NUCB2: variants seen among roughly 807,000 people sequenced by gnomAD.
NUCB2 encodes nucleobindin-2.
In NUCB2, 48 loss-of-function variants were observed where a neutral mutation model predicts 57.9. The observed-to-expected ratio is 0.83, with a 90% confidence interval of 0.66 to 1.05. The LOEUF (loss-of-function observed/expected upper bound fraction) is 1.05, where lower values mean the gene tolerates loss of function less well. Ranked by LOEUF, NUCB2 falls within the 50% of genes least tolerant of loss-of-function variation. NUCB2 has a pLI of 0.00. For synonymous variants in NUCB2, 139 were observed against 152.1 expected (o/e 0.91, Z 0.64); for missense variants, 442 against 476.2 (o/e 0.93, Z 0.67).
chr11:17,320,512 C>G (rs970174459), intron 11 of NUCB2, among the ~76,000 whole-genome samples: 2 of 152,022 alleles, frequency 1.3e-5, no homozygotes, highest in African/African-American at 4.8e-5. Context: ...CAAAAATTAG[C>G]CGGGAGTGGT....
chr11:17,289,590 C>T (rs1212295302), intron 2 of NUCB2, among the ~76,000 whole-genome samples: 1 of 152,196 alleles, frequency 6.6e-6, no homozygotes. Context: ...TTTAGCTACT[C>T]TTCCTTTAGC....
intron 2 of NUCB2, among the ~76,000 whole-genome samples, chr11:17,343,450 C>G (rs926942302): frequency 9.9e-5 from 15 of 152,172 alleles, no homozygotes; most frequent in African/African-American, 3.6e-4. Flanking sequence ...TAAATCCCCG[C>G]CCTTGCTTTA....
intron 13 of NUCB2, 21 bp downstream of exon 13, chr11:17,331,004 A>C: frequency 6.9e-7 from 1 of 1,449,904 alleles, no homozygotes; most frequent in East Asian, 2.3e-5. Context: ...TTGTTTGATT[A>C]TTTATTTAGG....
chr11:17,341,863 A>G (rs1425474770), intron 2 of NUCB2, among the ~76,000 whole-genome samples: 4 of 152,032 alleles, frequency 2.6e-5, no homozygotes, highest in Non-Finnish European at 4.4e-5. Flanking sequence ...CTCTTTTTCT[A>G]TTGATTGGAA....
At chr11:17,295,267 T>C in intron 2 of NUCB2, 57 bp from the exon 3 acceptor site, 2 of 1,495,722 alleles carry the variant, frequency 1.3e-6, no homozygotes, top group Admixed American at 2.2e-5. Flanking sequence ...TCGGAATGCA[T>C]GTATATAGAG....
chr11:17,339,677 T>C (rs1952094537), intron 2 of NUCB2, among the ~76,000 whole-genome samples: 1 of 152,196 alleles, frequency 6.6e-6, no homozygotes, highest in South Asian at 2.1e-4. Context: ...ACAAAGGACA[T>C]GAACTCATCA....
intron 2 of NUCB2, among the ~76,000 whole-genome samples, chr11:17,288,549 C>CTTTTTTTTTTTTTTTTTTTTTTT (rs752336919): frequency 1.3e-5 from 1 of 75,866 alleles, no homozygotes; most frequent in Non-Finnish European, 2.4e-5. Flanking sequence ...TCTTCTTCTT[C>CTTTTTTTTTTTTTTTTTTTTTTT]TTCTTTTTTT....
intron 5 of NUCB2, among the ~76,000 whole-genome samples, chr11:17,303,227 G>T (rs80219520): frequency 1.2e-3 from 179 of 152,270 alleles, no homozygotes; most frequent in African/African-American, 3.8e-3. Context: ...TTAAAGAGCA[G>T]ATTGTCAATT....
At chr11:17,282,508 A>G (rs569113767) in intron 1 of NUCB2, among the ~76,000 whole-genome samples, 2 of 151,850 alleles carry the variant, frequency 1.3e-5, no homozygotes, top group East Asian at 3.9e-4. Context: ...TGATCTCTCC[A>G]CCTCGGCCTC....
At chr11:17,311,069 G>T (rs566388274) in intron 7 of NUCB2, 59 bp downstream of exon 7, 40 of 1,455,102 alleles carry the variant, frequency 2.7e-5, no homozygotes, top group Non-Finnish European at 3.5e-5. Flanking sequence ...CGTATCAGCG[G>T]ATTTTTATTG....
chr11:17,339,099 T>G (rs2139591572), intron 2 of NUCB2, among the ~76,000 whole-genome samples: 1 of 152,294 alleles, frequency 6.6e-6, no homozygotes, highest in East Asian at 1.9e-4. Flanking sequence ...GTGATTCTCC[T>G]GCCTCAGTCT....
intron 5 of NUCB2, among the ~76,000 whole-genome samples, chr11:17,308,328 G>A (rs1947999372): frequency 1.3e-5 from 2 of 152,064 alleles, no homozygotes; most frequent in South Asian, 4.1e-4. Context: ...CACCTTAATT[G>A]CATGGAGCTA....
Position 17,331,668 on chromosome 11 carries a change from A to AT in NUCB2, c.*256dup. ...TCACATTCACACGGCTCTTTTATTTATTTTTTTGTTCTCCTTTAATGATTT... is the reference window on the plus strand; with the variant it reads ...TCACATTCACACGGCTCTTTTATTTATTTTTTTTGTTCTCCTTTAATGATTT... On this transcript the variant is annotated 3_prime_UTR_variant, in exon 14 of 14. Coordinates refer to ENST00000529010, the MANE Select transcript of NUCB2 (RefSeq NM_005013.4). 2.8e-6 allele frequency: 1 copy of AT among 356,878 alleles called. No individual in the cohort carries two copies. Among genetic ancestry groups the AT allele is most frequent in the Non-Finnish European group, 5.0e-6 (1 of 199,022 alleles). The allele number at this position is 356,878 out of a possible 1,614,324, so 22.1% of individuals were successfully genotyped here.
chr11:17,294,263 C>A (rs1945431145), intron 2 of NUCB2, among the ~76,000 whole-genome samples: 3 of 151,792 alleles, frequency 2.0e-5, no homozygotes, highest in Non-Finnish European at 4.4e-5. Context: ...CCCCTGGAAC[C>A]CCCTGTTTGT....
At chr11:17,291,542 C>T (rs576179954) in intron 2 of NUCB2, among the ~76,000 whole-genome samples, 19 of 1,218 alleles carry the variant, frequency 0.016, no homozygotes, top group Admixed American at 0.056. Flanking sequence ...TAAGACTCTG[C>T]ATCAAAAAAA....
chr11:17,343,530 T>G (rs1264330545), intron 2 of NUCB2, among the ~76,000 whole-genome samples: 3 of 152,254 alleles, frequency 2.0e-5, no homozygotes, highest in African/African-American at 7.2e-5. Flanking sequence ...TGTACCATGT[T>G]GTTTGGCCTA....
chr11:17,334,192 A>G (rs993024081), downstream of NUCB2: 2 of 152,220 alleles, frequency 1.3e-5, no homozygotes, highest in African/African-American at 4.8e-5. Flanking sequence ...TTAGCTATTA[A>G]ACAGAAGGGA....
chr11:17,312,001 A>G (rs1273303371), intron 9 of NUCB2, 27 bp from the exon 10 acceptor site: 10 of 1,541,018 alleles, frequency 6.5e-6, no homozygotes, highest in Non-Finnish European at 7.9e-6. Context: ...CTTTCCTTTC[A>G]TGTTCATTTA....
chr11:17,331,368 G>A, intron 13 of NUCB2, 44 bp from the exon 14 acceptor site: 1 of 1,187,070 alleles, frequency 8.4e-7, no homozygotes, highest in Non-Finnish European at 1.2e-6. Flanking sequence ...TTAGAATAAA[G>A]GAAGATACTT....
Sources: allele counts gnomAD v4.1 joint callset (sites outside exome capture counted in the v4.1 genomes callset), GRCh38; gene constraint gnomAD v4.1.1; transcripts MANE v1.5; gene names NCBI Gene and HGNC (gene_info 2026-07-23, HGNC 2026-07-21).